GRIP1: variants seen among roughly 807,000 people sequenced by gnomAD.
GRIP1 encodes the protein glutamate receptor-interacting protein 1.
A neutral mutation model predicts 129.9 loss-of-function variants in GRIP1; 45 were observed. That is an observed-to-expected ratio of 0.35 (90% confidence interval 0.27 to 0.44). The LOEUF is 0.44. GRIP1 is among the 20% of genes least tolerant of loss of function. The pLI is 1.00. For missense variants in GRIP1, 1,196 were observed against 1,396.8 expected (o/e 0.86, Z 2.29); for synonymous variants, 530 against 520.8 (o/e 1.02, Z -0.24).
chr12:66,391,827 G>A (rs1328977887), intron 19 of GRIP1, among the ~76,000 whole-genome samples: 1 of 152,090 alleles, frequency 6.6e-6, no homozygotes, highest in Non-Finnish European at 1.5e-5. Context: ...TTCTAGCTGG[G>A]GTGACAGAGT....
At chr12:66,420,653 G>T (rs895628358) in intron 15 of GRIP1, 67 bp downstream of exon 15, 6 of 866,360 alleles carry the variant, frequency 6.9e-6, no homozygotes, top group Non-Finnish European at 1.2e-5. Context: ...CTTTGGGTGT[G>T]GAAGGTGTCA....
Position 66,982,705 on chromosome 12 carries a change from G to A in GRIP1, c.58+86345C>T, listed in dbSNP as rs143352766. Among the ~76,000 whole-genome samples, 20 of 152,266 alleles carry A rather than the reference G, an allele frequency of 1.3e-4. 1 individual carries two copies. The East Asian group carries it at 3.9e-3, about 29-fold the overall frequency. On this transcript the variant is annotated intron_variant, in intron 1 of 1. Coordinates refer to the GRIP1 transcript ENST00000643019. ...TAGAAGTGGGTTCACCCCCAGTCAAGTCTTCAAATGAAACTACAGCCCCAA... is the reference window on the plus strand; with the variant it reads ...TAGAAGTGGGTTCACCCCCAGTCAAATCTTCAAATGAAACTACAGCCCCAA...
At chr12:66,913,064 T>C (rs2041057893) in intron 1 of GRIP1, among the ~76,000 whole-genome samples, 1 of 152,212 alleles carries the variant, frequency 6.6e-6, no homozygotes, top group Admixed American at 6.5e-5. Flanking sequence ...GATAAGAGGT[T>C]GCCAAACAAG....
intron 16 of GRIP1, among the ~76,000 whole-genome samples, chr12:66,396,170 TG>T (rs1229216164): frequency 4.6e-5 from 7 of 152,318 alleles, no homozygotes; most frequent in African/African-American, 1.7e-4. Flanking sequence ...AGTGGAGGTG[TG>T]TATGCCATAG....
intron 4 of GRIP1, among the ~76,000 whole-genome samples, chr12:66,533,667 AT>A (rs2139141414): frequency 6.6e-6 from 1 of 152,136 alleles, no homozygotes; most frequent in African/African-American, 2.4e-5. Context: ...ACAAAAATAC[AT>A]AAATATCTAA....
intron 17 of GRIP1, 45 bp from the exon 18 acceptor site, chr12:66,392,861 A>G (rs1397650745): frequency 5.1e-6 from 8 of 1,566,984 alleles, no homozygotes; most frequent in Non-Finnish European, 7.0e-6. Context: ...TAATCCCTGT[A>G]TGGTACTGAA....
intron 1 of GRIP1, among the ~76,000 whole-genome samples, chr12:66,954,593 C>T (rs773009069): frequency 6.6e-6 from 1 of 152,154 alleles, no homozygotes; most frequent in African/African-American, 2.4e-5. Context: ...ATATGCAGAA[C>T]CCCAAAAGTG....
chr12:66,943,429 A>G (rs924327112), intron 1 of GRIP1, among the ~76,000 whole-genome samples: 2 of 152,252 alleles, frequency 1.3e-5, no homozygotes, highest in South Asian at 2.1e-4. Flanking sequence ...GTAACAACAT[A>G]ACTGATATTT....
chr12:66,542,727 G>A (rs1281188263), intron 2 of GRIP1, among the ~76,000 whole-genome samples: 1 of 152,186 alleles, frequency 6.6e-6, no homozygotes, highest in Non-Finnish European at 1.5e-5. Context: ...ATAAAAATGA[G>A]TAGAGTCAAT....
intron 1 of GRIP1, among the ~76,000 whole-genome samples, chr12:66,959,458 A>G (rs764451408): frequency 6.6e-6 from 1 of 152,210 alleles, no homozygotes; most frequent in Non-Finnish European, 1.5e-5. Context: ...TGCATCTATT[A>G]AAACTTATAT....
At chr12:66,466,057 G>A (rs1337435693) in intron 7 of GRIP1, among the ~76,000 whole-genome samples, 1 of 152,208 alleles carries the variant, frequency 6.6e-6, no homozygotes, top group Non-Finnish European at 1.5e-5. Flanking sequence ...AGTTGAATTT[G>A]TAAAGCTTAA....
At chr12:66,987,754 T>C (rs2042333876) in intron 1 of GRIP1, among the ~76,000 whole-genome samples, 3 of 152,252 alleles carry the variant, frequency 2.0e-5, no homozygotes. Context: ...TACTCACTCA[T>C]TTCCGATTCT....
At chr12:66,475,766 T>C (rs61925943) in intron 7 of GRIP1, among the ~76,000 whole-genome samples, 8,667 of 152,276 alleles carry the variant, frequency 0.057, 335 homozygotes, top group Admixed American at 0.11. Flanking sequence ...AATAAAGATG[T>C]TCTTTGAAAC....
chr12:66,890,774 T>C (rs2040645614), intron 1 of GRIP1, among the ~76,000 whole-genome samples: 1 of 152,214 alleles, frequency 6.6e-6, no homozygotes, highest in African/African-American at 2.4e-5. Flanking sequence ...ATTATCTGCC[T>C]AAAGAAGAAT....
chr12:66,706,359 G>T (rs1045896963), intron 1 of GRIP1, among the ~76,000 whole-genome samples: 22 of 151,066 alleles, frequency 1.5e-4, no homozygotes, highest in Non-Finnish European at 3.0e-4. Context: ...TACCAAGTCA[G>T]GAAACAATAG....
At chr12:66,793,767 G>A (rs1232152828) in intron 1 of GRIP1, among the ~76,000 whole-genome samples, 1 of 152,130 alleles carries the variant, frequency 6.6e-6, no homozygotes, top group African/African-American at 2.4e-5. Flanking sequence ...TTCCTGCCAT[G>A]GCTCTCAGCA....
chr12:66,679,344 C>T (rs2034487637), upstream of GRIP1, among the ~76,000 whole-genome samples: 1 of 147,900 alleles, frequency 6.8e-6, no homozygotes, highest in South Asian at 2.1e-4. Context: ...AGTCAGTGTC[C>T]TTTATATGTC....
chr12:66,944,873 A>G (rs2041641988), intron 1 of GRIP1, among the ~76,000 whole-genome samples: 1 of 151,906 alleles, frequency 6.6e-6, no homozygotes, highest in Non-Finnish European at 1.5e-5. Flanking sequence ...GCTCACTGCA[A>G]CCTCTGCCAC....
chr12:66,872,699 A>C (rs2137159430), intron 1 of GRIP1, among the ~76,000 whole-genome samples: 1 of 152,200 alleles, frequency 6.6e-6, no homozygotes, highest in Non-Finnish European at 1.5e-5. Context: ...TTTTTCAATA[A>C]ATACTGCTTC....
Sources: allele counts gnomAD v4.1 joint callset (sites outside exome capture counted in the v4.1 genomes callset), GRCh38; gene constraint gnomAD v4.1.1; transcripts MANE v1.5; gene names NCBI Gene and HGNC (gene_info 2026-07-23, HGNC 2026-07-21).